SGCZ: variants seen among roughly 807,000 people sequenced by gnomAD.
The protein encoded by SGCZ is zeta-sarcoglycan.
Under a neutral mutation model 41.3 loss-of-function variants are expected in SGCZ, and 40 were observed. The observed-to-expected ratio is 0.97, with a 90% CI of 0.75 to 1.26. The LOEUF (loss-of-function observed/expected upper bound fraction) is 1.26. SGCZ is among the 50% of genes most tolerant of loss of function. The pLI is 0.00. For missense variants in SGCZ, 552 were observed against 369.8 expected, an observed-to-expected ratio of 1.49 and a Z score of -4.04; for synonymous variants, 206 against 137.5, an observed-to-expected ratio of 1.50 and a Z score of -3.49.
At chr8:14,413,806 T>C (rs762767587) in intron 2 of SGCZ, among the ~76,000 whole-genome samples, 2 of 152,000 alleles carry the variant, frequency 1.3e-5, no homozygotes, top group Non-Finnish European at 2.9e-5. Flanking sequence ...AACCCATTCA[T>C]ACATATATGG....
intron 2 of SGCZ, among the ~76,000 whole-genome samples, chr8:14,340,025 C>T (rs992787066): frequency 1.3e-5 from 2 of 152,072 alleles, no homozygotes; most frequent in African/African-American, 4.8e-5. Flanking sequence ...ATTTCATCAG[C>T]TGACAAACAG....
chr8:14,526,947 A>G (rs1033023189), intron 2 of SGCZ, among the ~76,000 whole-genome samples: 18 of 152,144 alleles, frequency 1.2e-4, no homozygotes, highest in African/African-American at 4.3e-4. Context: ...TCTACTGGGC[A>G]CGACAACAGA....
Position 14,919,870 on chromosome 8 carries a change from A to T in SGCZ, c.39+317715T>A, listed in dbSNP as rs577446934. Among the ~76,000 whole-genome samples the T allele has an allele frequency of 2.8e-4, 42 of 152,258 alleles. No homozygotes were observed. The East Asian group carries it at 8.0e-3, about 29-fold the overall frequency. On this transcript the variant is annotated intron_variant, in intron 1 of 7. Coordinates refer to ENST00000382080, the MANE Select transcript of SGCZ (RefSeq NM_139167.4). ...GAGGCAGAGGTTGCAGTGAGCCAAG[A>T]TCACGCCACTGCACTCCAGCCTGGG...
intron 1 of SGCZ, among the ~76,000 whole-genome samples, chr8:15,047,369 G>C (rs142701326): frequency 3.0e-4 from 45 of 152,064 alleles, no homozygotes; most frequent in African/African-American, 1.0e-3. Flanking sequence ...CTGTCCTTGA[G>C]GGAAATCACT....
chr8:14,228,379 T>G (rs920333909), intron 4 of SGCZ, among the ~76,000 whole-genome samples: 23 of 152,080 alleles, frequency 1.5e-4, no homozygotes, highest in African/African-American at 5.3e-4. Context: ...AGCCACTCCT[T>G]TCTTACTTTG....
At chr8:14,857,793 G>A (rs138962581) in intron 1 of SGCZ, among the ~76,000 whole-genome samples, 1,659 of 152,254 alleles carry the variant, frequency 0.011, 24 homozygotes, top group African/African-American at 0.038. Flanking sequence ...TTGAACCCAG[G>A]AGGTGGAGGT....
chr8:14,838,640 C>G (rs1484077631), intron 1 of SGCZ, among the ~76,000 whole-genome samples: 2 of 152,164 alleles, frequency 1.3e-5, no homozygotes, highest in African/African-American at 2.4e-5. Context: ...CTGATTTTCC[C>G]TGGCTACTTT....
At chr8:14,641,354 C>A (rs1322921586) in intron 1 of SGCZ, among the ~76,000 whole-genome samples, 1 of 151,674 alleles carries the variant, frequency 6.6e-6, no homozygotes, top group African/African-American at 2.4e-5. Flanking sequence ...GCTTCTCATA[C>A]AGTTTATGTT....
At chr8:15,012,564 TATAA>T (rs1323420358) in intron 1 of SGCZ, among the ~76,000 whole-genome samples, 1 of 117,758 alleles carries the variant, frequency 8.5e-6, no homozygotes, top group Non-Finnish European at 1.8e-5. Flanking sequence ...ATATATAACA[TATAA>T]ATATATATTT....
Position 14,579,389 on chromosome 8 carries a change from C to T in SGCZ, c.40-24463G>A, listed in dbSNP as rs527697592. On this transcript the variant is annotated intron_variant, in intron 1 of 7. Transcript: ENST00000382080. ...GTTCTCATTCTTTCTAATTCCATAT[C>T]GAAACAATGACTCACACCCTTAATA... is the stretch of plus-strand genomic sequence containing the variant. Among the ~76,000 whole-genome samples, 7 of 152,270 alleles carry T rather than the reference C, an allele frequency of 4.6e-5. No individual in the cohort carries two copies. The East Asian group carries it at 1.2e-3, about 25-fold the overall frequency.
chr8:14,482,568 T>C (rs1460333742), intron 2 of SGCZ, among the ~76,000 whole-genome samples: 1 of 152,174 alleles, frequency 6.6e-6, no homozygotes, highest in African/African-American at 2.4e-5. Context: ...GTGGTTAATT[T>C]TCTGCTTCGA....
rs7823636 is a variant in SGCZ at position 14,147,464 on chromosome 8, A to G, written c.547+17116T>C. Reference sequence around the variant, plus strand: ...TTCAAGACAAAAACTATAAGAAGCTACAAAGAAGGTCATATATAATGACAA... The same window carrying G: ...TTCAAGACAAAAACTATAAGAAGCTGCAAAGAAGGTCATATATAATGACAA... On this transcript the variant is annotated intron_variant, in intron 5 of 7. Transcript: ENST00000382080. Among the ~76,000 whole-genome samples the G allele has an allele frequency of 1.3e-4, 20 of 152,072 alleles. No homozygotes were observed. In the South Asian group the frequency reaches 3.3e-3, roughly 25 times the overall value.
chr8:14,319,329 G>C (rs540784923), intron 3 of SGCZ: 1 of 152,092 alleles, frequency 6.6e-6, no homozygotes, highest in South Asian at 2.1e-4. Flanking sequence ...GGACTTAATA[G>C]TGAAGTGTGT....
At chr8:14,427,238 C>T (rs555999306) in intron 2 of SGCZ, among the ~76,000 whole-genome samples, 1 of 152,036 alleles carries the variant, frequency 6.6e-6, no homozygotes, top group Non-Finnish European at 1.5e-5. Flanking sequence ...TGACTACTAG[C>T]CTTAGTACAT....
At chr8:14,236,328 T>C (rs1449320001) in intron 4 of SGCZ, among the ~76,000 whole-genome samples, 15 of 152,196 alleles carry the variant, frequency 9.9e-5, no homozygotes, top group Admixed American at 9.2e-4. Context: ...TAGCAATTAA[T>C]AGATATGTAA....
chr8:15,126,491 G>C (rs778141033), intron 1 of SGCZ, among the ~76,000 whole-genome samples: 15 of 152,154 alleles, frequency 9.9e-5, no homozygotes, highest in South Asian at 4.1e-4. Flanking sequence ...AATAAGAATG[G>C]ATCCCTCCCC....
intron 4 of SGCZ, among the ~76,000 whole-genome samples, chr8:14,197,282 C>A (rs1805295791): frequency 6.6e-6 from 1 of 152,118 alleles, no homozygotes; most frequent in Admixed American, 6.6e-5. Flanking sequence ...GGGAACACTT[C>A]ACAACTTATT....
In SGCZ at chr8:14,849,654, G is replaced by C. The variant is rs376426550; in HGVS notation, c.40-294728C>G. Among the ~76,000 whole-genome samples, 7 of 152,244 alleles carry C rather than the reference G, an allele frequency of 4.6e-5. No individual in the cohort carries two copies. The East Asian group carries it at 9.7e-4, about 21-fold the overall frequency. ...CTCAGCTATACGTGGGGTGAGGCCA[G>C]GCAGAGTGGTTCTGAGGAAGTATCA... On this transcript the variant is annotated intron_variant, in intron 1 of 7. Transcript: ENST00000382080.
intron 4 of SGCZ, among the ~76,000 whole-genome samples, chr8:14,208,566 G>T (rs561777499): frequency 6.6e-6 from 1 of 152,054 alleles, no homozygotes; most frequent in South Asian, 2.1e-4. Context: ...TTGTCAAAGT[G>T]GTGTTTATGA....
Sources: allele counts gnomAD v4.1 joint callset (sites outside exome capture counted in the v4.1 genomes callset), GRCh38; gene constraint gnomAD v4.1.1; transcripts MANE v1.5; gene names NCBI Gene and HGNC (gene_info 2026-07-23, HGNC 2026-07-21).